Variants in SNAP25 observed in about 807,000 individuals in gnomAD.
The protein encoded by SNAP25 is synaptosomal-associated protein 25.
SNAP25 carries 3 observed loss-of-function variants against 28.7 expected under a neutral mutation model. The observed-to-expected ratio is 0.10, with a 90% CI of 0.05 to 0.27. SNAP25 has a LOEUF of 0.27. SNAP25 is among the 10% of genes least tolerant of loss of function. The pLI is 1.00. For missense variants in SNAP25, 117 were observed against 278.7 expected (o/e 0.42, Z 4.13); for synonymous variants, 61 against 88.1 (o/e 0.69, Z 1.72).
intron 1 of SNAP25, among the ~76,000 whole-genome samples, chr20:10,239,562 A>G (rs1425254824): frequency 1.3e-5 from 2 of 152,238 alleles, no homozygotes; most frequent in Admixed American, 1.3e-4. Flanking sequence ...AAGTCATTAC[A>G]AATTTCACAT....
chr20:10,264,449 T>G (rs576640758), intron 1 of SNAP25, among the ~76,000 whole-genome samples: 1 of 152,284 alleles, frequency 6.6e-6, no homozygotes, highest in East Asian at 1.9e-4. Context: ...GGGTGACAAT[T>G]CTGTGGGCTG....
intron 6 of SNAP25, among the ~76,000 whole-genome samples, chr20:10,297,343 A>T (rs2064135902): frequency 6.6e-6 from 1 of 152,152 alleles, no homozygotes; most frequent in South Asian, 2.1e-4. Flanking sequence ...CAGTATTCCA[A>T]GGGGGCAAGC....
chr20:10,275,598 A>T (rs1013688479), intron 2 of SNAP25, 35 bp downstream of exon 2: 2 of 1,554,606 alleles, frequency 1.3e-6, no homozygotes, highest in Non-Finnish European at 1.8e-6. Flanking sequence ...GAGGCAAAAG[A>T]TGAAGGCCTG....
At chr20:10,299,180 G>T (rs2064178935) in intron 6 of SNAP25, 88 bp from the exon 7 acceptor site, 2 of 1,449,714 alleles carry the variant, frequency 1.4e-6, no homozygotes, top group Non-Finnish European at 1.9e-6. Flanking sequence ...ATGCCCAGAG[G>T]ACGACAGATT....
At chr20:10,249,380 T>G (rs1430173354) in intron 1 of SNAP25, among the ~76,000 whole-genome samples, 2 of 152,186 alleles carry the variant, frequency 1.3e-5, no homozygotes, top group East Asian at 1.9e-4. Context: ...GACAATCTCA[T>G]CAAGTGAAGT....
intron 1 of SNAP25, among the ~76,000 whole-genome samples, chr20:10,245,871 A>T (rs1379403231): frequency 2.6e-5 from 4 of 152,208 alleles, no homozygotes; most frequent in African/African-American, 9.7e-5. Flanking sequence ...CCTTTGTCCC[A>T]TCTTGTCACC....
chr20:10,242,837 A>G (rs557502652), intron 1 of SNAP25, among the ~76,000 whole-genome samples: 1 of 152,352 alleles, frequency 6.6e-6, no homozygotes, highest in South Asian at 2.1e-4. Context: ...CCATTTAGCC[A>G]GCATAAAAGG....
chr20:10,228,596 A>G (rs956115927), intron 1 of SNAP25, among the ~76,000 whole-genome samples: 1 of 152,184 alleles, frequency 6.6e-6, no homozygotes, highest in Non-Finnish European at 1.5e-5. Flanking sequence ...CTTCAATTGT[A>G]TAACCCTGAA....
intron 1 of SNAP25, among the ~76,000 whole-genome samples, chr20:10,232,273 C>T (rs1033548036): frequency 1.3e-5 from 2 of 152,198 alleles, no homozygotes; most frequent in African/African-American, 4.8e-5. Flanking sequence ...TTCAAAAATA[C>T]CAAGGAAGAT....
chr20:10,275,148 T>A (rs1331489457), intron 1 of SNAP25, among the ~76,000 whole-genome samples: 1 of 152,104 alleles, frequency 6.6e-6, no homozygotes, highest in East Asian at 1.9e-4. Context: ...CCAAACCACA[T>A]CCCTCCAACC....
At chr20:10,260,139 A>G (rs1035299073) in intron 1 of SNAP25, among the ~76,000 whole-genome samples, 5 of 152,140 alleles carry the variant, frequency 3.3e-5, no homozygotes, top group Admixed American at 2.6e-4. Flanking sequence ...GTCTGTTGCA[A>G]ATTTTCCTCT....
chr20:10,266,082 C>A (rs1429894756), intron 1 of SNAP25, among the ~76,000 whole-genome samples: 1 of 152,142 alleles, frequency 6.6e-6, no homozygotes, highest in Admixed American at 6.5e-5. Flanking sequence ...TGACAACTAA[C>A]AGTTGTGCGG....
intron 1 of SNAP25, among the ~76,000 whole-genome samples, chr20:10,270,689 ACTCTGT>A (rs2063578336): frequency 6.6e-6 from 1 of 151,038 alleles, no homozygotes; most frequent in East Asian, 1.9e-4. Flanking sequence ...ACAGAGTGAA[ACTCTGT>A]CTCAAAAAAA....
At chr20:10,279,527 C>T (rs759745712) in intron 3 of SNAP25, among the ~76,000 whole-genome samples, 56 of 152,312 alleles carry the variant, frequency 3.7e-4, no homozygotes, top group Non-Finnish European at 7.3e-4. Context: ...TCAGAACGCA[C>T]ACCTTGAACT....
At chr20:10,265,920 T>A (rs35967890) in intron 1 of SNAP25, among the ~76,000 whole-genome samples, 58,062 of 152,024 alleles carry the variant, frequency 0.38, 11,284 homozygotes, top group South Asian at 0.54. Flanking sequence ...ACAAGCTCCC[T>A]GGTGAGGCCG....
intron 1 of SNAP25, among the ~76,000 whole-genome samples, chr20:10,253,122 T>C (rs1262556861): frequency 6.6e-6 from 1 of 152,250 alleles, no homozygotes; most frequent in African/African-American, 2.4e-5. Context: ...AAAAATATCA[T>C]AGACCAGGGA....
intron 1 of SNAP25, among the ~76,000 whole-genome samples, chr20:10,235,684 A>T (rs2062906017): frequency 6.6e-6 from 1 of 152,210 alleles, no homozygotes; most frequent in Non-Finnish European, 1.5e-5. Context: ...TCTATGGGCT[A>T]ATGAGTTAGT....
intron 4 of SNAP25, among the ~76,000 whole-genome samples, chr20:10,285,057 A>C (rs1277443972): frequency 6.6e-6 from 1 of 152,092 alleles, no homozygotes; most frequent in African/African-American, 2.4e-5. Flanking sequence ...TTTTTAAATG[A>C]TAGTATTTTG....
At chr20:10,250,460 C>T (rs1291484149) in intron 1 of SNAP25, among the ~76,000 whole-genome samples, 3 of 152,074 alleles carry the variant, frequency 2.0e-5, no homozygotes, top group Admixed American at 2.0e-4. Flanking sequence ...AAAATGACAC[C>T]CAAATGATCA....
Sources: allele counts gnomAD v4.1 joint callset (sites outside exome capture counted in the v4.1 genomes callset), GRCh38; gene constraint gnomAD v4.1.1; transcripts MANE v1.5; gene names NCBI Gene and HGNC (gene_info 2026-07-23, HGNC 2026-07-21).